The following ADORA2B variants were observed in gnomAD, a reference collection of about 807,000 sequenced individuals.
ADORA2B encodes adenosine A2b receptor.
A neutral mutation model predicts 20.8 loss-of-function variants in ADORA2B; 18 were observed. The ratio of observed to expected loss-of-function variants is 0.87; its 90% CI spans 0.60 to 1.29. ADORA2B has a LOEUF of 1.29. Ranked by LOEUF, ADORA2B falls within the 50% of genes most tolerant of loss-of-function variation. The pLI, the probability that ADORA2B is intolerant of heterozygous loss-of-function variation, is 0.00. For synonymous variants in ADORA2B, 179 were observed against 178.3 expected (o/e 1.00, Z -0.03); for missense variants, 441 against 422.7 (o/e 1.04, Z -0.38).
chr17:15,893,541 A>G, the ADORA2B span, among the ~76,000 whole-genome samples: 937 of 137,808 alleles, frequency 6.8e-3, 6 homozygotes, highest in Middle Eastern at 0.029. Flanking sequence ...GTAGCTACTG[A>G]TAAGTTCCTT....
chr17:15,913,713 TA>T, the ADORA2B span, among the ~76,000 whole-genome samples: 1 of 152,184 alleles, frequency 6.6e-6, no homozygotes, highest in African/African-American at 2.4e-5. Flanking sequence ...AAATATGCTA[TA>T]AAAAAATTTG....
chr17:15,956,846 C>T (rs1045610279), intron 1 of ADORA2B, among the ~76,000 whole-genome samples: 7 of 152,050 alleles, frequency 4.6e-5, no homozygotes, highest in South Asian at 2.1e-4. Context: ...GTGTTCTACT[C>T]GCCTCGGCCT....
chr17:15,855,090 C>T, the ADORA2B span, among the ~76,000 whole-genome samples: 2 of 151,646 alleles, frequency 1.3e-5, no homozygotes, highest in East Asian at 1.9e-4. Flanking sequence ...CCACCAGACC[C>T]GGCTAATTCT....
the ADORA2B span, among the ~76,000 whole-genome samples, chr17:15,881,194 C>T: frequency 3.0e-4 from 46 of 152,254 alleles, 1 homozygote; most frequent in South Asian, 8.1e-3. Context: ...CTCTGCCTCC[C>T]GGGTTCAAGT....
At chr17:15,879,608 C>T in the ADORA2B span, among the ~76,000 whole-genome samples, 1 of 150,308 alleles carries the variant, frequency 6.7e-6, no homozygotes, top group African/African-American at 2.5e-5. Flanking sequence ...CACGATCTCC[C>T]CTCACTGCAA....
chr17:15,901,329 G>C, the ADORA2B span, among the ~76,000 whole-genome samples: 1 of 152,056 alleles, frequency 6.6e-6, no homozygotes, highest in Non-Finnish European at 1.5e-5. Flanking sequence ...GCCGGGTGTG[G>C]TGGTGCATGC....
chr17:15,947,645 C>T (rs1969826330), intron 1 of ADORA2B, among the ~76,000 whole-genome samples: 1 of 152,220 alleles, frequency 6.6e-6, no homozygotes, highest in Non-Finnish European at 1.5e-5. Context: ...TCTGACCTGG[C>T]CACAGCACCA....
At chr17:15,917,593 C>T in the ADORA2B span, among the ~76,000 whole-genome samples, 4 of 152,230 alleles carry the variant, frequency 2.6e-5, no homozygotes, top group Non-Finnish European at 5.9e-5. Flanking sequence ...CTAGGCGGGG[C>T]TCCGGGCTAG....
intron 1 of ADORA2B, among the ~76,000 whole-genome samples, chr17:15,951,000 C>T (rs997665130): frequency 1.3e-5 from 2 of 152,258 alleles, no homozygotes; most frequent in African/African-American, 4.8e-5. Flanking sequence ...AGCGCGATGC[C>T]GGCACAGGCT....
At chr17:15,974,620 T>C in intron 1 of ADORA2B, 59 bp from the exon 2 acceptor site, 2 of 1,465,806 alleles carry the variant, frequency 1.4e-6, no homozygotes, top group Non-Finnish European at 9.3e-7. Context: ...GGTGGGGTCT[T>C]GGATTGTGGT....
chr17:15,857,495 G>A, the ADORA2B span, among the ~76,000 whole-genome samples: 1 of 152,106 alleles, frequency 6.6e-6, no homozygotes, highest in African/African-American at 2.4e-5. Flanking sequence ...AAAACCACAG[G>A]CACTCAACAC....
the ADORA2B span, among the ~76,000 whole-genome samples, chr17:15,853,830 A>G: frequency 3.3e-5 from 5 of 152,338 alleles, no homozygotes; most frequent in South Asian, 1.0e-3. Context: ...TATCTTCGAT[A>G]CCTAATTCTT....
At chr17:15,884,248 C>T in the ADORA2B span, among the ~76,000 whole-genome samples, 68 of 152,178 alleles carry the variant, frequency 4.5e-4, no homozygotes, top group Non-Finnish European at 9.0e-4. Flanking sequence ...TGCATAAGTG[C>T]AGGGCAGCGC....
the ADORA2B span, among the ~76,000 whole-genome samples, chr17:15,929,514 C>T: frequency 6.6e-6 from 1 of 152,178 alleles, no homozygotes; most frequent in Non-Finnish European, 1.5e-5. Context: ...GGCCAAGGAG[C>T]ACTGTGCTCT....
chr17:15,949,472 C>G (rs557553931), intron 1 of ADORA2B, among the ~76,000 whole-genome samples: 1 of 151,806 alleles, frequency 6.6e-6, no homozygotes, highest in East Asian at 1.9e-4. Flanking sequence ...AGGATCACAC[C>G]GCTGCACTCC....
chr17:15,941,987 G>C (rs79833328), upstream of ADORA2B, among the ~76,000 whole-genome samples: 5,219 of 152,032 alleles, frequency 0.034, 311 homozygotes, highest in African/African-American at 0.12. Context: ...AGGGTACCAG[G>C]TGGGGCTGGG....
the ADORA2B span, among the ~76,000 whole-genome samples, chr17:15,867,304 A>G: frequency 6.6e-6 from 1 of 150,636 alleles, no homozygotes; most frequent in Non-Finnish European, 1.5e-5. Flanking sequence ...AGTGAGGAGC[A>G]TCTCTGCCCG....
the ADORA2B span, among the ~76,000 whole-genome samples, chr17:15,893,324 AAT>A: frequency 6.6e-6 from 1 of 152,242 alleles, no homozygotes; most frequent in Non-Finnish European, 1.5e-5. Context: ...GATAATTTGC[AAT>A]GAGTAACTAC....
At chr17:15,889,120 G>A in the ADORA2B span, among the ~76,000 whole-genome samples, 30 of 123,336 alleles carry the variant, frequency 2.4e-4, 7 homozygotes, top group African/African-American at 3.6e-4. Flanking sequence ...CACCTGCCTC[G>A]GCCTCCCAAA....
Sources: gnomAD v4.1 joint callset for allele counts (sites outside exome capture counted in the v4.1 genomes callset) on GRCh38, gnomAD v4.1.1 for gene constraint, MANE v1.5 for transcripts, NCBI Gene and HGNC (gene_info 2026-07-23, HGNC 2026-07-21) for gene names.